The following SPIDR variants were observed in gnomAD, a reference collection of about 807,000 sequenced individuals.
SPIDR encodes DNA repair-scaffolding protein.
In SPIDR, 93 loss-of-function variants were observed where a neutral mutation model predicts 104.6. That is an observed-to-expected ratio of 0.89 (90% confidence interval 0.75 to 1.06). The LOEUF (loss-of-function observed/expected upper bound fraction) is 1.06, where lower values mean the gene tolerates loss of function less well. SPIDR is among the 50% of genes least tolerant of loss of function. SPIDR has a pLI of 0.00. For synonymous variants in SPIDR, 431 were observed against 416.9 expected, an observed-to-expected ratio of 1.03 and a Z score of -0.41; for missense variants, 1,154 against 1,111.2, an observed-to-expected ratio of 1.04 and a Z score of -0.55.
chr8:47,327,924 C>T (rs1554601470), intron 5 of SPIDR, among the ~76,000 whole-genome samples: 1 of 151,708 alleles, frequency 6.6e-6, no homozygotes, highest in Non-Finnish European at 1.5e-5. Context: ...TCTTGAACCC[C>T]TGAGCTGAAG....
chr8:47,441,513 T>TA (rs34515941), intron 8 of SPIDR, among the ~76,000 whole-genome samples: 65 of 149,134 alleles, frequency 4.4e-4, no homozygotes, highest in African/African-American at 1.5e-3. Flanking sequence ...TATAAATGAT[T>TA]AAAAAAAAAA....
At chr8:47,712,641 T>C (rs2082044123) in intron 14 of SPIDR, 21 bp from the exon 15 acceptor site, 2 of 1,607,812 alleles carry the variant, frequency 1.2e-6, no homozygotes, top group Admixed American at 1.7e-5. Flanking sequence ...AATTAATCTT[T>C]ATTGTGTCTT....
rs538302604 is a variant in SPIDR, at chr8:47,378,894, A to G, written c.526-17482A>G. On this transcript the variant is annotated intron_variant, in intron 5 of 19. Transcript: ENST00000297423. ...TTACAGTTGAGTGTTTTGAGCTCTC[A>G]GTGGCTCAGCTTAATTGTGAACAAG... is the stretch of plus-strand genomic sequence containing the variant. Among the ~76,000 whole-genome samples the G allele has an allele frequency of 6.6e-5, 10 of 152,348 alleles. 1 individual carries two copies. Among genetic ancestry groups the G allele is most frequent in the African/African-American group, 2.4e-4 (10 of 41,584 alleles).
intron 8 of SPIDR, among the ~76,000 whole-genome samples, chr8:47,471,046 T>G (rs905031672): frequency 6.6e-6 from 1 of 152,180 alleles, no homozygotes; most frequent in Non-Finnish European, 1.5e-5. Flanking sequence ...CTGAAACTCT[T>G]AAGAGCCAAA....
At chr8:47,568,210 T>C (rs923276665) in intron 8 of SPIDR, among the ~76,000 whole-genome samples, 1 of 152,208 alleles carries the variant, frequency 6.6e-6, no homozygotes, top group African/African-American at 2.4e-5. Context: ...GTGTCCTGGA[T>C]CAACCATTCC....
At chr8:47,491,159 C>G (rs2078642372) in intron 8 of SPIDR, among the ~76,000 whole-genome samples, 1 of 151,940 alleles carries the variant, frequency 6.6e-6, no homozygotes, top group African/African-American at 2.4e-5. Flanking sequence ...GTTGTTAAAA[C>G]AGTATTATAA....
intron 5 of SPIDR, among the ~76,000 whole-genome samples, chr8:47,304,204 G>C (rs1243607190): frequency 6.6e-6 from 1 of 152,162 alleles, no homozygotes; most frequent in Non-Finnish European, 1.5e-5. Flanking sequence ...GTTTGAGTCT[G>C]TGTCCCCGCC....
chr8:47,381,961 G>A (rs2059381868), intron 5 of SPIDR, among the ~76,000 whole-genome samples: 1 of 152,220 alleles, frequency 6.6e-6, no homozygotes, highest in Non-Finnish European at 1.5e-5. Context: ...CTACAAAGGT[G>A]TAATTTTAAA....
intron 10 of SPIDR, chr8:47,653,854 A>T (rs1022188126): frequency 6.8e-5 from 32 of 470,116 alleles, no homozygotes; most frequent in Non-Finnish European, 8.3e-5. Context: ...ATGAGAACTA[A>T]AAGACAAAAA....
chr8:47,445,091 C>T (rs1246034856), intron 8 of SPIDR, among the ~76,000 whole-genome samples: 2 of 152,142 alleles, frequency 1.3e-5, no homozygotes, highest in Non-Finnish European at 2.9e-5. Context: ...CAGCTGGTCA[C>T]ATCGAATATA....
chr8:47,522,172 CAAAA>C, intron 8 of SPIDR, among the ~76,000 whole-genome samples: 1 of 65,618 alleles, frequency 1.5e-5, no homozygotes, highest in Admixed American at 1.8e-4. Context: ...GAGTCTGTCT[CAAAA>C]AAAAAAAAAA....
chr8:47,672,136 T>A (rs2075882898), intron 10 of SPIDR, among the ~76,000 whole-genome samples: 1 of 152,174 alleles, frequency 6.6e-6, no homozygotes, highest in Non-Finnish European at 1.5e-5. Context: ...TTTTTTAAAA[T>A]TTTTCCTAGA....
chr8:47,664,384 A>G (rs950106995), intron 10 of SPIDR, among the ~76,000 whole-genome samples: 1 of 152,222 alleles, frequency 6.6e-6, no homozygotes, highest in Non-Finnish European at 1.5e-5. Flanking sequence ...ATTTCAAACC[A>G]GCCATTATAA....
intron 10 of SPIDR, among the ~76,000 whole-genome samples, chr8:47,614,465 G>A (rs1030846380): frequency 2.0e-5 from 3 of 152,014 alleles, no homozygotes; most frequent in African/African-American, 4.8e-5. Context: ...CTCATGATCC[G>A]CCCACCTCGG....
At chr8:47,412,008 G>A (rs956713409) in intron 7 of SPIDR, among the ~76,000 whole-genome samples, 3 of 152,078 alleles carry the variant, frequency 2.0e-5, no homozygotes, top group Non-Finnish European at 4.4e-5. Flanking sequence ...TGTTCCATTG[G>A]TCTATATCTC....
intron 6 of SPIDR, among the ~76,000 whole-genome samples, chr8:47,400,468 A>G (rs1554661723): frequency 6.6e-6 from 1 of 152,200 alleles, no homozygotes; most frequent in African/African-American, 2.4e-5. Context: ...TGAGCTGACT[A>G]GAAAGGCCTG....
intron 16 of SPIDR, 96 bp downstream of exon 16, chr8:47,713,737 A>C (rs888343144): frequency 2.1e-5 from 31 of 1,495,118 alleles, no homozygotes; most frequent in African/African-American, 2.8e-5. Context: ...TTTGTGGAGC[A>C]CCCGCTAAGT....
chr8:47,614,095 C>A (rs1233248951), intron 10 of SPIDR, among the ~76,000 whole-genome samples: 2 of 152,132 alleles, frequency 1.3e-5, no homozygotes, highest in Non-Finnish European at 2.9e-5. Flanking sequence ...TGTTCAGCTC[C>A]CCCTTGTAAG....
chr8:47,369,017 G>C (rs1050692900), intron 5 of SPIDR, among the ~76,000 whole-genome samples: 1 of 152,178 alleles, frequency 6.6e-6, no homozygotes, highest in Non-Finnish European at 1.5e-5. Context: ...TCATAGGCAC[G>C]TGAGAACGAA....
Sources: allele counts gnomAD v4.1 joint callset (sites outside exome capture counted in the v4.1 genomes callset), GRCh38; gene constraint gnomAD v4.1.1; transcripts MANE v1.5; gene names NCBI Gene and HGNC (gene_info 2026-07-23, HGNC 2026-07-21).